FAAH2: variants seen among roughly 807,000 people sequenced by gnomAD.
The protein encoded by FAAH2 is fatty acid amide hydrolase 2.
In FAAH2, 60 loss-of-function variants were observed where a neutral mutation model predicts 36.9. The observed-to-expected ratio is 1.63, with a 90% CI of 1.32 to 2.02. The LOEUF (loss-of-function observed/expected upper bound fraction) is 2.02. Ranked by LOEUF, FAAH2 falls within the 30% of genes most tolerant of loss-of-function variation. FAAH2 has a pLI of 0.00. For synonymous variants in FAAH2, 214 were observed against 143.8 expected (o/e 1.49, Z -3.49); for missense variants, 689 against 397.5 (o/e 1.73, Z -6.23).
chrX:57,151,058 T>A, the FAAH2 span, among the ~76,000 whole-genome samples: 2 of 112,146 alleles, frequency 1.8e-5, no homozygotes, highest in African/African-American at 6.5e-5. Flanking sequence ...GGGTTGAAAA[T>A]TATTTTCTTT....
the FAAH2 span, among the ~76,000 whole-genome samples, chrX:57,212,191 C>T: frequency 1.8e-5 from 2 of 111,763 alleles, no homozygotes; most frequent in African/African-American, 6.5e-5. Flanking sequence ...CTGTGATTAT[C>T]CCACTGCACC....
chrX:57,371,476 A>G (rs1165168700), intron 5 of FAAH2, among the ~76,000 whole-genome samples: 6 of 111,396 alleles, frequency 5.4e-5, no homozygotes, highest in Non-Finnish European at 1.1e-4. Context: ...TCTTTATCCA[A>G]TCCACCATTG....
intron 5 of FAAH2, among the ~76,000 whole-genome samples, chrX:57,361,076 C>T (rs1216436181): frequency 1.8e-5 from 2 of 110,634 alleles, no homozygotes; most frequent in African/African-American, 3.3e-5. Context: ...CAGTCTCTCC[C>T]TCCCTTCTCC....
At chrX:57,446,397 C>A (rs754527456) in intron 8 of FAAH2, among the ~76,000 whole-genome samples, 2 of 112,197 alleles carry the variant, frequency 1.8e-5, no homozygotes, top group Admixed American at 9.4e-5. Flanking sequence ...TCCTGCTCTG[C>A]CTACACTTCC....
At chrX:57,136,754 T>C in the FAAH2 span, 1 of 269,466 alleles carries the variant, frequency 3.7e-6, no homozygotes, top group East Asian at 8.5e-5. Context: ...ATGCCCGCAG[T>C]GCTCTCCCTC....
chrX:57,207,263 A>G, the FAAH2 span, among the ~76,000 whole-genome samples: 238 of 111,195 alleles, frequency 2.1e-3, no homozygotes, highest in African/African-American at 7.7e-3. Flanking sequence ...AGAAGTTATA[A>G]TTGGTTGAAT....
At chrX:57,427,178 A>G (rs963470226) in intron 7 of FAAH2, among the ~76,000 whole-genome samples, 6 of 110,801 alleles carry the variant, frequency 5.4e-5, no homozygotes, top group Non-Finnish European at 9.5e-5. Context: ...ACCTCCTAAG[A>G]TTGAAACGGA....
intron 10 of FAAH2, among the ~76,000 whole-genome samples, chrX:57,455,948 T>C (rs1182846496): frequency 8.9e-6 from 1 of 111,828 alleles, no homozygotes; most frequent in African/African-American, 3.3e-5. Flanking sequence ...ATTTGATCAA[T>C]TGGACCCAAT....
At chrX:57,336,771 C>G (rs1164717863) in intron 4 of FAAH2, among the ~76,000 whole-genome samples, 1 of 111,371 alleles carries the variant, frequency 9.0e-6, no homozygotes, top group African/African-American at 3.3e-5. Flanking sequence ...ATTTATAGCA[C>G]TAAATCCCCA....
chrX:57,204,278 C>T, the FAAH2 span, among the ~76,000 whole-genome samples: 9 of 111,367 alleles, frequency 8.1e-5, no homozygotes, highest in African/African-American at 2.9e-4. Context: ...ATGGCAAATA[C>T]CGAGATCAGA....
the FAAH2 span, among the ~76,000 whole-genome samples, chrX:57,175,395 G>A: frequency 7.9e-4 from 88 of 111,603 alleles, no homozygotes; most frequent in African/African-American, 2.7e-3. Context: ...ACTCCTGAAT[G>A]CTTTTGGTTT....
chrX:57,466,152 C>CTATATATATATATATA (rs1219532061), intron 10 of FAAH2, among the ~76,000 whole-genome samples: 16 of 66,822 alleles, frequency 2.4e-4, no homozygotes, highest in African/African-American at 6.2e-4. Context: ...CTCTCTCTCT[C>CTATATATATATATATA]TCTCTATATA....
the FAAH2 span, among the ~76,000 whole-genome samples, chrX:57,171,349 A>C: frequency 8.9e-6 from 1 of 111,923 alleles, no homozygotes; most frequent in Non-Finnish European, 1.9e-5. Flanking sequence ...TTTTCCTTAG[A>C]GGTTGTACTA....
chrX:57,137,790 C>A, the FAAH2 span, among the ~76,000 whole-genome samples: 1 of 111,402 alleles, frequency 9.0e-6, no homozygotes, highest in East Asian at 2.8e-4. Context: ...TGGAAACATA[C>A]AAATTAACAT....
chrX:57,309,307 T>G (rs192408758), intron 2 of FAAH2, among the ~76,000 whole-genome samples: 1 of 111,683 alleles, frequency 9.0e-6, no homozygotes. Context: ...AAAAGAGTAG[T>G]TATTCACTGT....
the FAAH2 span, among the ~76,000 whole-genome samples, chrX:57,195,765 T>A: frequency 4.2e-4 from 47 of 112,356 alleles, no homozygotes; most frequent in Admixed American, 4.0e-3. Context: ...AATCCATGTT[T>A]AGTTGACATT....
At chrX:57,322,749 C>A (rs1186912500) in intron 3 of FAAH2, among the ~76,000 whole-genome samples, 3 of 110,963 alleles carry the variant, frequency 2.7e-5, no homozygotes, top group African/African-American at 9.9e-5. Flanking sequence ...AAAAGTCAAT[C>A]TTCAAGCTTC....
At chrX:57,141,661 AG>A in the FAAH2 span, among the ~76,000 whole-genome samples, 1 of 111,631 alleles carries the variant, frequency 9.0e-6, no homozygotes. Flanking sequence ...CAATCTTGGT[AG>A]GTTGTATGTG....
intron 10 of FAAH2, among the ~76,000 whole-genome samples, chrX:57,464,310 G>A (rs1025817637): frequency 1.8e-5 from 2 of 110,603 alleles, no homozygotes; most frequent in Non-Finnish European, 3.8e-5. Flanking sequence ...AATGTATGCG[G>A]GGCTTAAAAC....
Sources: allele counts gnomAD v4.1 joint callset (sites outside exome capture counted in the v4.1 genomes callset), GRCh38; gene constraint gnomAD v4.1.1; transcripts MANE v1.5; gene names NCBI Gene and HGNC (gene_info 2026-07-23, HGNC 2026-07-21).